LAMA1: variants seen among roughly 807,000 people sequenced by gnomAD.
LAMA1 encodes the protein laminin subunit alpha 1, also known as laminin subunit alpha-1.
Under a neutral mutation model 348.7 loss-of-function variants are expected in LAMA1, and 219 were observed. The observed-to-expected ratio is 0.63, with a 90% CI of 0.56 to 0.70. The LOEUF (loss-of-function observed/expected upper bound fraction) is 0.70, where lower values mean the gene tolerates loss of function less well. LAMA1 is among the 30% of genes least tolerant of loss of function. LAMA1 has a pLI of 0.00. For missense variants in LAMA1, 3,744 were observed against 3,888.0 expected (o/e 0.96, Z 0.99); for synonymous variants, 1,487 against 1,491.0 (o/e 1.00, Z 0.06).
In LAMA1 at chr18:7,044,705, A is replaced by T. The variant is rs755598004; in HGVS notation, c.976+17T>A. 6.3e-7 allele frequency: 1 copy of T among 1,591,110 alleles called. No homozygotes were observed. The highest frequency in any genetic ancestry group is 1.3e-5 in the African/African-American group (1 of 74,382). ...AGAGGAAAACTGTACTGACCTTCAG[A>T]TTCTAAGTATACTGACCTTCACATG... On this transcript the variant is annotated intron_variant, in intron 7 of 62. Transcript: ENST00000389658.
In LAMA1 at chr18:7,099,069, G is replaced by A. The variant is rs867337425; in HGVS notation, c.61+18591C>T. On this transcript the variant is annotated intron_variant, in intron 1 of 62. Transcript: ENST00000389658. ...AAGATTGAGAAATCGGATGGTTGCCGTGTCTGTGTAGAAAGAAGTAGACAT... is the reference window on the plus strand; with the variant it reads ...AAGATTGAGAAATCGGATGGTTGCCATGTCTGTGTAGAAAGAAGTAGACAT... 3.3e-3 allele frequency among the ~76,000 whole-genome samples: 501 copies of A among 151,966 alleles called. 5 individuals are homozygous for A. Among genetic ancestry groups the A allele is most frequent in the African/African-American group, 0.012 (478 of 41,490 alleles).
At chr18:7,040,496 T>G (rs966329315) in intron 9 of LAMA1, among the ~76,000 whole-genome samples, 2 of 152,206 alleles carry the variant, frequency 1.3e-5, no homozygotes, top group Non-Finnish European at 2.9e-5. Context: ...CCATGGGCCA[T>G]AGTTTGCCAA....
chr18:6,964,294 T>A (rs1328905554), intron 51 of LAMA1, among the ~76,000 whole-genome samples: 84 of 152,200 alleles, frequency 5.5e-4, no homozygotes, highest in Non-Finnish European at 1.6e-4. Flanking sequence ...CCTCCTTATG[T>A]GTGAATGTGG....
intron 1 of LAMA1, among the ~76,000 whole-genome samples, chr18:7,107,002 C>A (rs1425058543): frequency 1.3e-5 from 2 of 152,046 alleles, no homozygotes; most frequent in Non-Finnish European, 2.9e-5. Flanking sequence ...GACCCATGAC[C>A]TGGACTACTC....
At chr18:6,973,457 T>C (rs1417687851) in intron 46 of LAMA1, among the ~76,000 whole-genome samples, 1 of 152,182 alleles carries the variant, frequency 6.6e-6, no homozygotes, top group Non-Finnish European at 1.5e-5. Flanking sequence ...TATCTGAAGA[T>C]ATGTCTACTC....
At chr18:6,978,017 T>C (rs2057690469) in intron 43 of LAMA1, 136 bp from the exon 44 acceptor site, 13 of 1,277,470 alleles carry the variant, frequency 1.0e-5, no homozygotes, top group Non-Finnish European at 1.3e-5. Flanking sequence ...GGTACAAAGA[T>C]GAAAACTGCA....
Position 6,986,210 on chromosome 18 carries a change from C to T in LAMA1, c.5306G>A (p.Arg1769Lys). ...TTCCTGCATCTTTGCCTCAGCTTCC[C>T]TCACGAGCGCCTCAGCCGCCTTTAG... Reference protein sequence around the residue: ...NELKAAEALVREAEAKMQESN... With the variant: ...NELKAAEALVKEAEAKMQESN... The change falls in exon 37 of 63, where the codon AGG becomes AAG. Residue 1769 changes from arginine (R) to lysine (K), a missense_variant. Arg to Lys is a conservative substitution (Grantham distance 26, BLOSUM62 2). This residue lies in a region of LAMA1 where 1,983 missense variants were observed against 1,934.3 expected (regional missense o/e 1.03). Coordinates refer to ENST00000389658, the MANE Select transcript of LAMA1 (RefSeq NM_005559.4). 1 of 1,614,198 alleles carries T rather than the reference C, an allele frequency of 6.2e-7. No individual in the cohort carries two copies. Among genetic ancestry groups the T allele is most frequent in the South Asian group, 1.1e-5 (1 of 91,084 alleles).
Position 6,986,301 on chromosome 18 carries a change from G to T in LAMA1, c.5215C>A (p.Pro1739Thr), listed in dbSNP as rs1323653381. 6 of 1,614,036 alleles carry T rather than the reference G, an allele frequency of 3.7e-6. No homozygotes were observed. The highest frequency in any genetic ancestry group is 1.7e-5 in the Admixed American group (1 of 60,010). ...LSQIQENYQK[P>T]LEELEVLKEA... ...TTCAATACCTCCAATTCTTCCAGCG[G>T]CTTCTGGTAATTTTCCTGAATTTGT... The change falls in exon 37 of 63, where the codon CCG (proline) becomes ACG (threonine). Residue 1739 changes from proline (P) to threonine (T), a missense_variant. Physicochemically the swap from Pro to Thr is conservative, Grantham distance 38. Around this residue, in one of 3 missense-constraint regions of LAMA1, gnomAD observed 1,983 missense variants for 1,934.3 expected, o/e 1.03. Transcript: ENST00000389658.
intron 11 of LAMA1, 100 bp downstream of exon 11, chr18:7,038,710 T>C (rs1299665139): frequency 2.7e-6 from 4 of 1,486,740 alleles, no homozygotes; most frequent in African/African-American, 2.7e-5. Flanking sequence ...GAGAGTGGTG[T>C]CACGGGAAGT....
intron 56 of LAMA1, chr18:6,956,091 C>T: frequency 3.3e-6 from 1 of 306,926 alleles, no homozygotes; most frequent in South Asian, 2.9e-5. Flanking sequence ...AACTCAAAGC[C>T]TCGCCCTGCT....
intron 48 of LAMA1, among the ~76,000 whole-genome samples, chr18:6,968,968 G>C (rs760568605): frequency 5.9e-5 from 9 of 152,142 alleles, no homozygotes; most frequent in African/African-American, 1.2e-4. Context: ...CTAGAATTAG[G>C]GTATTAACTC....
chr18:6,996,735 C>T (rs556860722), intron 33 of LAMA1, among the ~76,000 whole-genome samples: 10 of 152,064 alleles, frequency 6.6e-5, no homozygotes, highest in Admixed American at 2.6e-4. Flanking sequence ...GCCATGACTG[C>T]GCCACTGCAT....
chr18:6,989,217 T>A (rs2057748625), intron 36 of LAMA1, among the ~76,000 whole-genome samples: 1 of 152,180 alleles, frequency 6.6e-6, no homozygotes, highest in Non-Finnish European at 1.5e-5. Context: ...AGGAGTGCTC[T>A]CTGGGATCCC....
intron 1 of LAMA1, among the ~76,000 whole-genome samples, chr18:7,097,702 AG>A (rs1045114426): frequency 7.2e-5 from 11 of 152,248 alleles, no homozygotes; most frequent in African/African-American, 2.7e-4. Flanking sequence ...AGAACAAAAT[AG>A]AGTCCAAAAG....
Position 6,992,671 on chromosome 18 carries a change from T to G in LAMA1, c.5058A>C (p.Leu1686=). 6.2e-7 allele frequency: 1 copy of G among 1,613,626 alleles called. No individual in the cohort carries two copies. Among genetic ancestry groups the G allele is most frequent in the Non-Finnish European group, 8.5e-7 (1 of 1,179,488 alleles). The change falls in exon 36 of 63, where the codon CTA becomes CTC. Residue 1686 remains leucine, a synonymous_variant. Coordinates refer to ENST00000389658, the MANE Select transcript of LAMA1 (RefSeq NM_005559.4). ...TGTTCTGAAGAGTAGAATTGGGTAG[T>G]AGGAAATCTTCATCCAAAGTCTGAT... The part of the protein sequence containing the change: ...TLNQTLDEDF[L]LPNSTLQNMQ...
chr18:6,959,189 C>G (rs2057595124), intron 54 of LAMA1, 152 bp downstream of exon 54: 1 of 961,240 alleles, frequency 1.0e-6, no homozygotes, highest in Non-Finnish European at 1.6e-6. Flanking sequence ...GAAACTGGTT[C>G]CCAGGAAAGA....
At position 7,080,336 on chromosome 18, in the gene LAMA1, G is replaced by GA. The variant is rs2058188126; in HGVS notation, c.182dup (p.Arg62ProfsTer9). 1 of 1,614,258 alleles carries GA rather than the reference G, an allele frequency of 6.2e-7. No individual in the cohort carries two copies. The highest frequency in any genetic ancestry group is 2.2e-5 in the East Asian group (1 of 44,886). On this transcript the variant is annotated frameshift_variant, in exon 2 of 63. Transcript: ENST00000389658. LOFTEE classifies it high-confidence loss of function. Reference sequence around the variant, plus strand: ...CACAGATCCGGCACTGTGGGTTTCGGACGGGCCGACCTGGCACATGCTCCA... The same window carrying GA: ...CACAGATCCGGCACTGTGGGTTTCGGAACGGGCCGACCTGGCACATGCTCCA...
rs2057893943 is a variant in LAMA1 at position 7,017,354 on chromosome 18, G to A, written c.2732C>T (p.Ser911Phe). 6.8e-6 allele frequency: 11 copies of A among 1,614,012 alleles called. No homozygotes were observed. The highest frequency in any genetic ancestry group is 8.5e-6 in the Non-Finnish European group (10 of 1,179,982). ...ACECHVKGSH[S>F]AVCHLETGLC... ...CCCGGTCTCAAGATGGCACACGGCAGAATGGGAGCCTTTCACATGGCATTC... is the reference window on the plus strand; with the variant it reads ...CCCGGTCTCAAGATGGCACACGGCAAAATGGGAGCCTTTCACATGGCATTC... The change falls in exon 20 of 63, where the codon TCT becomes TTT. Residue 911 changes from serine (S) to phenylalanine (F), a missense_variant. Coordinates refer to ENST00000389658, the MANE Select transcript of LAMA1 (RefSeq NM_005559.4).
intron 16 of LAMA1, among the ~76,000 whole-genome samples, chr18:7,028,406 AT>A (rs1170369840): frequency 2.0e-5 from 3 of 152,348 alleles, no homozygotes; most frequent in South Asian, 2.1e-4. Context: ...AAAAGGCAGA[AT>A]AACACACAGA....
Sources: gnomAD v4.1 joint callset for allele counts (sites outside exome capture counted in the v4.1 genomes callset) on GRCh38, gnomAD v4.1.1 for gene constraint, gnomAD v4.1.1 regional missense constraint, MANE v1.5 for transcripts, NCBI Gene and HGNC (gene_info 2026-07-23, HGNC 2026-07-21) for gene names.